Variants in PIAS1 observed in about 807,000 individuals in gnomAD.
PIAS1 encodes the protein E3 SUMO-protein ligase PIAS1.
Under a neutral mutation model 71.3 loss-of-function variants are expected in PIAS1, and 6 were observed. That is an observed-to-expected ratio of 0.08 (90% confidence interval 0.05 to 0.17). The LOEUF is 0.17. Ranked by LOEUF, PIAS1 falls within the 10% of genes least tolerant of loss-of-function variation. PIAS1 has a pLI of 1.00. For synonymous variants in PIAS1, 303 were observed against 292.9 expected, an observed-to-expected ratio of 1.03 and a Z score of -0.35; for missense variants, 555 against 793.6, an observed-to-expected ratio of 0.70 and a Z score of 3.61.
chr15:68,075,803 A>G (rs1461547914), intron 1 of PIAS1, among the ~76,000 whole-genome samples: 3 of 130,078 alleles, frequency 2.3e-5, no homozygotes, highest in African/African-American at 2.9e-5. Flanking sequence ...TTTTTTTAAG[A>G]TGGAGTTTTA....
intron 12 of PIAS1, among the ~76,000 whole-genome samples, chr15:68,183,267 C>T (rs1451672486): frequency 2.0e-5 from 3 of 152,206 alleles, no homozygotes; most frequent in South Asian, 4.1e-4. Context: ...TAATTACATA[C>T]CTCATGAAGT....
At chr15:68,181,441 A>T in intron 12 of PIAS1, 87 bp downstream of exon 12, 3 of 1,350,780 alleles carry the variant, frequency 2.2e-6, no homozygotes, top group South Asian at 1.3e-5. Flanking sequence ...TCTAAGGAAG[A>T]ACTGGAAGAC....
Position 68,183,684 on chromosome 15 carries a change from T to A in PIAS1, c.1662+17T>A. The A allele has an allele frequency of 1.1e-6, 1 of 948,816 alleles. No homozygotes were observed. The highest frequency in any genetic ancestry group is 1.6e-6 in the Non-Finnish European group (1 of 615,434). 58.8% of individuals were successfully genotyped at this position (948,816 alleles called of 1,614,324 possible). ...GACAATCAGGTATGTTATGAAAAATTTACTATTATTTTAATTGTACATTAA... is the reference window on the plus strand; with the variant it reads ...GACAATCAGGTATGTTATGAAAAATATACTATTATTTTAATTGTACATTAA... On this transcript the variant is annotated intron_variant, in intron 13 of 13. Coordinates refer to ENST00000249636, the MANE Select transcript of PIAS1 (RefSeq NM_016166.3).
intron 1 of PIAS1, chr15:68,057,700 G>T: frequency 4.5e-6 from 1 of 223,902 alleles, no homozygotes; most frequent in Non-Finnish European, 9.0e-6. Context: ...ACATCTGATA[G>T]TTTATTCATG....
At chr15:68,061,693 C>T (rs764930882) in intron 1 of PIAS1, among the ~76,000 whole-genome samples, 21 of 152,216 alleles carry the variant, frequency 1.4e-4, no homozygotes, top group South Asian at 4.1e-4. Context: ...CTTTGGTTGC[C>T]GGGTTAATTT....
chr15:68,159,102 A>G (rs1036873725), intron 7 of PIAS1, among the ~76,000 whole-genome samples: 2 of 152,226 alleles, frequency 1.3e-5, no homozygotes, highest in Non-Finnish European at 2.9e-5. Flanking sequence ...CTGTAACTTT[A>G]TTATAGTCAT....
At chr15:68,153,136 A>T (rs1010117667) in intron 6 of PIAS1, among the ~76,000 whole-genome samples, 2 of 151,576 alleles carry the variant, frequency 1.3e-5, no homozygotes, top group African/African-American at 4.8e-5. Flanking sequence ...TTTGTCATTT[A>T]AAAAAAATAG....
intron 1 of PIAS1, among the ~76,000 whole-genome samples, chr15:68,071,061 A>G (rs1223716180): frequency 6.6e-6 from 1 of 152,134 alleles, no homozygotes; most frequent in Non-Finnish European, 1.5e-5. Flanking sequence ...ATTAGGTGGG[A>G]GGACAATTGT....
At position 68,167,017 on chromosome 15, in the gene PIAS1, A is replaced by G. The variant is rs767472189; in HGVS notation, c.1008+2213A>G. On this transcript the variant is annotated intron_variant, in intron 8 of 13. Coordinates refer to ENST00000249636, the MANE Select transcript of PIAS1 (RefSeq NM_016166.3). This position sits in a 1 kb window ranked among gnomAD's most constrained non-coding sequence, Gnocchi z 4.4. ...ATTTTTGCATTTTTTTGTAGAGACA[A>G]GGTCTTGATATGTTGCCCAGGCTGG... 9.9e-5 allele frequency among the ~76,000 whole-genome samples: 15 copies of G among 152,142 alleles called. No individual in the cohort carries two copies. The highest frequency in any genetic ancestry group is 1.6e-4 in the Non-Finnish European group (11 of 67,982).
In PIAS1 at chr15:68,086,408, C is replaced by A; in HGVS notation, c.127C>A (p.His43Asn). ...RKHELLTKAL[H>N]LLKAGCSPAV... ...ACACGAACTTCTCACAAAAGCCCTG[C>A]ATTTGCTAAAGGCTGGCTGTAGTCC... The change falls in exon 2 of 14, where the codon CAT (histidine) becomes AAT (asparagine). Residue 43 changes from histidine to asparagine, a missense_variant. Transcript: ENST00000249636. The surrounding 1 kb of genome is among the most constrained non-coding windows in gnomAD (Gnocchi z 7.2). 6.2e-7 allele frequency: 1 copy of A among 1,613,794 alleles called. No homozygotes were observed. The highest frequency in any genetic ancestry group is 8.5e-7 in the Non-Finnish European group (1 of 1,179,766).
intron 7 of PIAS1, among the ~76,000 whole-genome samples, chr15:68,156,135 T>C (rs1319618758): frequency 1.3e-5 from 2 of 152,192 alleles, no homozygotes; most frequent in Non-Finnish European, 2.9e-5. Flanking sequence ...GAATATAACA[T>C]TAAACAAGAC....
At chr15:68,062,491 A>G (rs2091970638) in intron 1 of PIAS1, among the ~76,000 whole-genome samples, 1 of 152,184 alleles carries the variant, frequency 6.6e-6, no homozygotes, top group Non-Finnish European at 1.5e-5. Flanking sequence ...TCACCTCGAA[A>G]AGCAACCCTA....
chr15:68,151,939 ATTT>A (rs1201017658), intron 6 of PIAS1, among the ~76,000 whole-genome samples: 2 of 68,198 alleles, frequency 2.9e-5, no homozygotes, highest in South Asian at 7.7e-4. Context: ...AAATTTAGGA[ATTT>A]TTTTTTTTTT....
chr15:68,188,166 A>G lies in PIAS1; in HGVS notation c.*331A>G, dbSNP rs1410874174. ...CTGAAGATTTTTCATTATTTGTCCT[A>G]TGGTTTTGGTTTTATTTGACTTCGA... On this transcript the variant is annotated 3_prime_UTR_variant, in exon 14 of 14. Coordinates refer to ENST00000249636, the MANE Select transcript of PIAS1 (RefSeq NM_016166.3). 5.6e-6 allele frequency: 1 copy of G among 178,090 alleles called. No individual in the cohort carries two copies. Among genetic ancestry groups the G allele is most frequent in the Admixed American group, 5.7e-5 (1 of 17,532 alleles). The allele number at this position is 178,090 out of a possible 1,614,324, so 11.0% of individuals were successfully genotyped here. A position where few individuals can be genotyped will look rare whatever the true frequency, so the allele number is the denominator to read the frequency against.
At chr15:68,069,706 A>G (rs1446411971) in intron 1 of PIAS1, among the ~76,000 whole-genome samples, 1 of 150,916 alleles carries the variant, frequency 6.6e-6, no homozygotes, top group Non-Finnish European at 1.5e-5. Flanking sequence ...TGGGAGGCTG[A>G]GGCAGGAGAA....
intron 1 of PIAS1, among the ~76,000 whole-genome samples, chr15:68,074,671 C>G (rs2092138308): frequency 6.6e-6 from 1 of 152,134 alleles, no homozygotes; most frequent in Admixed American, 6.5e-5. Context: ...TTTATAAAAC[C>G]ATAACCACAG....
intron 2 of PIAS1, among the ~76,000 whole-genome samples, chr15:68,114,443 A>G (rs535919629): frequency 2.2e-4 from 34 of 152,202 alleles, no homozygotes; most frequent in Non-Finnish European, 3.5e-4. Context: ...TGATGAAACT[A>G]TATCATTCCA....
Position 68,181,325 on chromosome 15 carries a change from A to T in PIAS1, c.1595A>T (p.His532Leu). The part of the protein sequence containing the change: ...SLIQDYRHPF[H>L]MTPMPYDLQG... ...ATCCAAGACTATAGGCATCCTTTCCACATGACACCCATGCCTTACGACTTA... is the reference window on the plus strand; with the variant it reads ...ATCCAAGACTATAGGCATCCTTTCCTCATGACACCCATGCCTTACGACTTA... The change falls in exon 12 of 14, where the codon CAC becomes CTC. Residue 532 changes from histidine (H) to leucine (L), a missense_variant. This residue lies in a region of PIAS1 where 244 missense variants were observed against 307.5 expected (regional missense o/e 0.79). Transcript: ENST00000249636. 1 of 1,613,788 alleles carries T rather than the reference A, an allele frequency of 6.2e-7. No homozygotes were observed. Among genetic ancestry groups the T allele is most frequent in the Non-Finnish European group, 8.5e-7 (1 of 1,179,732 alleles).
intron 7 of PIAS1, among the ~76,000 whole-genome samples, chr15:68,163,765 A>T (rs1351749554): frequency 2.0e-5 from 3 of 152,204 alleles, no homozygotes; most frequent in Non-Finnish European, 4.4e-5. Flanking sequence ...TAGTTGTACC[A>T]CAGCTCAGAA....
Sources: gnomAD v4.1 joint callset for allele counts (sites outside exome capture counted in the v4.1 genomes callset) on GRCh38, gnomAD v4.1.1 for gene constraint, gnomAD v4.1.1 regional missense constraint, Gnocchi (gnomAD v3.1) non-coding constraint, MANE v1.5 for transcripts, NCBI Gene and HGNC (gene_info 2026-07-23, HGNC 2026-07-21) for gene names.